ECE1: variants seen among roughly 807,000 people sequenced by gnomAD.
ECE1 encodes endothelin-converting enzyme 1.
ECE1 carries 35 observed loss-of-function variants against 98.6 expected under a neutral mutation model. That is an observed-to-expected ratio of 0.35 (90% confidence interval 0.27 to 0.47). The LOEUF (loss-of-function observed/expected upper bound fraction) is 0.47. Ranked by LOEUF, ECE1 falls within the 20% of genes least tolerant of loss-of-function variation. The probability of loss-of-function intolerance (pLI) is 1.00; values close to 1 mark genes in which losing one functional copy is unlikely to be tolerated. For synonymous variants in ECE1, 394 were observed against 407.1 expected, an observed-to-expected ratio of 0.97 and a Z score of 0.39; for missense variants, 814 against 1,025.3, an observed-to-expected ratio of 0.79 and a Z score of 2.81.
intron 1 of ECE1, among the ~76,000 whole-genome samples, chr1:21,300,278 G>A (rs566087586): frequency 6.6e-6 from 1 of 152,258 alleles, no homozygotes; most frequent in African/African-American, 2.4e-5. Flanking sequence ...CACCAGGCTT[G>A]GAGTCAGGTG....
chr1:21,223,904 T>C (rs113537622), intron 17 of ECE1, among the ~76,000 whole-genome samples: 3 of 152,192 alleles, frequency 2.0e-5, no homozygotes, highest in Non-Finnish European at 4.4e-5. Context: ...GGCTGACCCC[T>C]GTTTTAAAGG....
intron 8 of ECE1, among the ~76,000 whole-genome samples, chr1:21,247,936 T>A (rs1382382296): frequency 6.6e-6 from 1 of 152,208 alleles, no homozygotes; most frequent in Non-Finnish European, 1.5e-5. Flanking sequence ...GGGTTATTTG[T>A]GAGGACTGAA....
chr1:21,261,952 TG>T (rs1429168652), intron 4 of ECE1, among the ~76,000 whole-genome samples: 1 of 152,192 alleles, frequency 6.6e-6, no homozygotes, highest in Non-Finnish European at 1.5e-5. Context: ...GAAAGCTGTC[TG>T]GCGTAGTCAC....
intron 1 of ECE1, among the ~76,000 whole-genome samples, chr1:21,325,037 T>C (rs1303512375): frequency 6.6e-6 from 1 of 152,236 alleles, no homozygotes; most frequent in Non-Finnish European, 1.5e-5. Flanking sequence ...ACATGTTTTG[T>C]TGTGGGTTTC....
Position 21,225,227 on chromosome 1 carries a change from C to G in ECE1, c.2040+23G>C, listed in dbSNP as rs748123086. 9.9e-6 allele frequency: 16 copies of G among 1,613,282 alleles called. No individual in the cohort carries two copies. In the Admixed American group the frequency reaches 2.7e-4, roughly 27 times the overall value. ...AAGGAGCCAGCACTGGGACCGTGCG[C>G]GTGTGGGGAGCGGGGCTCTCACCCG... On this transcript the variant is annotated intron_variant, in intron 17 of 18. Coordinates refer to ENST00000374893, the MANE Select transcript of ECE1 (RefSeq NM_001397.3). This position sits in a 1 kb window ranked among gnomAD's most constrained non-coding sequence, Gnocchi z 5.3.
chr1:21,344,171 G>C (rs1206425063), intron 1 of ECE1, among the ~76,000 whole-genome samples: 2 of 152,098 alleles, frequency 1.3e-5, no homozygotes, highest in African/African-American at 4.8e-5. Flanking sequence ...GGAAGGGAGA[G>C]ATGGGGGGGC....
At chr1:21,282,267 G>A (rs2098255457) in intron 2 of ECE1, among the ~76,000 whole-genome samples, 1 of 152,020 alleles carries the variant, frequency 6.6e-6, no homozygotes, top group African/African-American at 2.4e-5. Flanking sequence ...TCCAGCCTGG[G>A]CAACAGAGCA....
chr1:21,328,418 A>T (rs1639128078), intron 1 of ECE1, among the ~76,000 whole-genome samples: 1 of 152,168 alleles, frequency 6.6e-6, no homozygotes, highest in Non-Finnish European at 1.5e-5. Context: ...TATTGCCACC[A>T]CTGATCATCC....
intron 3 of ECE1, among the ~76,000 whole-genome samples, chr1:21,278,608 A>G (rs1182278174): frequency 6.6e-6 from 1 of 152,238 alleles, no homozygotes; most frequent in Non-Finnish European, 1.5e-5. Context: ...AGGGGCCAAA[A>G]GTAACCACAC....
intron 1 of ECE1, among the ~76,000 whole-genome samples, chr1:21,342,646 A>G (rs74061614): frequency 0.028 from 3,897 of 139,684 alleles, 169 homozygotes; most frequent in African/African-American, 0.1. Flanking sequence ...ACACACACAC[A>G]CGCCCTGCAA....
intron 3 of ECE1, among the ~76,000 whole-genome samples, chr1:21,276,334 T>C (rs1259173948): frequency 2.6e-5 from 4 of 152,098 alleles, no homozygotes; most frequent in Non-Finnish European, 4.4e-5. Flanking sequence ...CCTCAATACG[T>C]GTTTTTGAAT....
At position 21,302,855 on chromosome 1, in the gene ECE1, T is replaced by C. The variant is rs548151833; in HGVS notation, c.4-12699A>G. ...CAAATGACAGGCTTGTCCAGATGAA[T>C]CACCAGGGGGCAGGAATGCCCCAGC... On this transcript the variant is annotated intron_variant, in intron 1 of 18. Transcript: ENST00000415912. Among the ~76,000 whole-genome samples, 3 of 152,262 alleles carry C rather than the reference T, an allele frequency of 2.0e-5. No individual in the cohort carries two copies. In the South Asian group the frequency reaches 6.2e-4, roughly 32 times the overall value.
intron 1 of ECE1, among the ~76,000 whole-genome samples, chr1:21,325,570 G>A (rs908178359): frequency 6.6e-6 from 1 of 152,228 alleles, no homozygotes; most frequent in Non-Finnish European, 1.5e-5. Flanking sequence ...CTCTACAGAA[G>A]CCTGCAAAAA....
chr1:21,307,084 G>A lies in ECE1; in HGVS notation c.4-16928C>T, dbSNP rs1638614287. 6.6e-6 allele frequency among the ~76,000 whole-genome samples: 1 copy of A among 152,124 alleles called. No individual in the cohort carries two copies. The highest frequency in any genetic ancestry group is 2.1e-4 in the South Asian group (1 of 4,820). Reference sequence around the variant, plus strand: ...ACTGAGGTCCACCGAGGACTCCCTCGTCTCCCTGCACTCAAGACTCTCCCC... The same window carrying A: ...ACTGAGGTCCACCGAGGACTCCCTCATCTCCCTGCACTCAAGACTCTCCCC... On this transcript the variant is annotated intron_variant, in intron 1 of 18. Coordinates refer to the ECE1 transcript ENST00000415912. This position sits in a 1 kb window ranked among gnomAD's most constrained non-coding sequence, Gnocchi z 4.2.
intron 10 of ECE1, among the ~76,000 whole-genome samples, chr1:21,238,907 C>T (rs538408190): frequency 5.4e-4 from 82 of 152,178 alleles, no homozygotes; most frequent in Admixed American, 1.2e-3. Context: ...CTCGACCTCC[C>T]AGGCTCAAGT....
intron 3 of ECE1, 123 bp downstream of exon 3, chr1:21,279,068 C>T (rs114765779): frequency 1.5e-4 from 234 of 1,543,872 alleles, no homozygotes; most frequent in Non-Finnish European, 2.0e-4. Flanking sequence ...CCCCCCTGGG[C>T]CTGGCTCCCT....
At chr1:21,268,377 A>C (rs1407569212) in intron 4 of ECE1, among the ~76,000 whole-genome samples, 1 of 152,198 alleles carries the variant, frequency 6.6e-6, no homozygotes, top group Non-Finnish European at 1.5e-5. Context: ...TGGCAGAGTG[A>C]GGTGCGAGGC....
In ECE1 at chr1:21,218,269, T is replaced by C. The variant is rs2098163267; in HGVS notation, c.*1686A>G. The C allele has an allele frequency of 6.6e-6, 1 of 152,246 alleles. No individual in the cohort carries two copies. Among genetic ancestry groups the C allele is most frequent in the Non-Finnish European group, 1.5e-5 (1 of 68,100 alleles). The allele number at this position is 152,246 out of a possible 1,614,324, so 9.4% of individuals were successfully genotyped here. A position where few individuals can be genotyped will look rare whatever the true frequency, so the allele number is the denominator to read the frequency against. On this transcript the variant is annotated 3_prime_UTR_variant, in exon 19 of 19. Transcript: ENST00000374893. This position sits in a 1 kb window ranked among gnomAD's most constrained non-coding sequence, Gnocchi z 4.0. The stretch of plus-strand genomic sequence containing the variant: ...ACAATGGACTGCAGCCCAGGGTAAG[T>C]CCAGCAGTTTTGCAGTCTTCCGATG...
rs1003390773 is a variant in ECE1 at position 21,218,761 on chromosome 1, A to C, written c.*1194T>G. On this transcript the variant is annotated 3_prime_UTR_variant, in exon 19 of 19. Coordinates refer to ENST00000374893, the MANE Select transcript of ECE1 (RefSeq NM_001397.3). This position sits in a 1 kb window ranked among gnomAD's most constrained non-coding sequence, Gnocchi z 4.0. ...ACCACCACTCCCGGCTAATTTTTGT[A>C]ATTTTTTTTAGTAGAGATGGGGTTT... 11 of 151,876 alleles carry C rather than the reference A, an allele frequency of 7.2e-5. No individual in the cohort carries two copies. Among genetic ancestry groups the C allele is most frequent in the African/African-American group, 2.7e-4 (11 of 41,396 alleles). The allele number at this position is 151,876 out of a possible 1,614,324, so 9.4% of individuals were successfully genotyped here.
Sources: allele counts gnomAD v4.1 joint callset (sites outside exome capture counted in the v4.1 genomes callset), GRCh38; gene constraint gnomAD v4.1.1; non-coding constraint Gnocchi (gnomAD v3.1); transcripts MANE v1.5; gene names NCBI Gene and HGNC (gene_info 2026-07-23, HGNC 2026-07-21).